The following CATSPERE variants were observed in gnomAD, a reference collection of about 807,000 sequenced individuals.
CATSPERE encodes the protein catsper channel auxiliary subunit epsilon.
CATSPERE carries 93 observed loss-of-function variants against 114.1 expected under a neutral mutation model. That is an observed-to-expected ratio of 0.81 (90% CI 0.69 to 0.97). The LOEUF (loss-of-function observed/expected upper bound fraction) is 0.97. Among genes scored for constraint, CATSPERE ranks in the 50% least tolerant of loss-of-function variants. The pLI is 0.00. For missense variants in CATSPERE, 1,058 were observed against 1,131.6 expected (o/e 0.93, Z 0.93); for synonymous variants, 341 against 384.1 (o/e 0.89, Z 1.31).
chr1:244,578,823 C>CATATATATATATATATATAT (rs10695652), intron 11 of CATSPERE, among the ~76,000 whole-genome samples: 52 of 132,994 alleles, frequency 3.9e-4, no homozygotes, highest in African/African-American at 1.1e-3. Context: ...GGTGCATATA[C>CATATATATATATATATATAT]ATATATATAT....
intron 20 of CATSPERE, 53 bp downstream of exon 20, chr1:244,617,739 A>G (rs375050211): frequency 1.4e-6 from 2 of 1,414,848 alleles, no homozygotes; most frequent in Non-Finnish European, 1.9e-6. Context: ...CAAAATCTTT[A>G]TTTTTTTAAT....
chr1:244,634,550 T>G (rs1259860242), intron 20 of CATSPERE, among the ~76,000 whole-genome samples: 1 of 152,226 alleles, frequency 6.6e-6, no homozygotes, highest in Non-Finnish European at 1.5e-5. Flanking sequence ...ATGAGAGACA[T>G]TCTGTAATAT....
intron 8 of CATSPERE, among the ~76,000 whole-genome samples, chr1:244,538,362 A>C (rs1680688235): frequency 6.6e-6 from 1 of 152,210 alleles, no homozygotes; most frequent in Non-Finnish European, 1.5e-5. Context: ...AGGCAAGAAC[A>C]AAAGACAGAA....
At chr1:244,491,737 T>A (rs891195995) in intron 6 of CATSPERE, among the ~76,000 whole-genome samples, 1 of 151,496 alleles carries the variant, frequency 6.6e-6, no homozygotes, top group Non-Finnish European at 1.5e-5. Context: ...ATCAAATAGA[T>A]GCAATAAAAA....
At chr1:244,543,246 T>C (rs1027396337) in intron 8 of CATSPERE, among the ~76,000 whole-genome samples, 16 of 152,096 alleles carry the variant, frequency 1.1e-4, no homozygotes, top group African/African-American at 3.1e-4. Flanking sequence ...CATCAGAAGA[T>C]GCATGGATAA....
At position 244,593,526 on chromosome 1, in the gene CATSPERE, G is replaced by C; in HGVS notation, c.2251G>C (p.Gly751Arg). The change falls in exon 17 of 22, where the codon GGC (glycine) becomes CGC (arginine). Residue 751 changes from glycine (G) to arginine (R), a missense_variant. Transcript: ENST00000366534. Reference sequence around the variant, plus strand: ...AGTAAGGTATATTTGGGGAGAATATGGCTGCCCTCTGAGGCTTGACTTCAC... The same window carrying C: ...AGTAAGGTATATTTGGGGAGAATATCGCTGCCCTCTGAGGCTTGACTTCAC... ...LRVRYIWGEYGCPLRLDFTEK... is the reference protein window; with the variant it reads ...LRVRYIWGEYRCPLRLDFTEK... 6.2e-7 allele frequency: 1 copy of C among 1,614,042 alleles called. No individual in the cohort carries two copies. The highest frequency in any genetic ancestry group is 8.5e-7 in the Non-Finnish European group (1 of 1,179,954).
intron 14 of CATSPERE, among the ~76,000 whole-genome samples, chr1:244,588,742 T>C (rs1174113278): frequency 2.0e-5 from 3 of 152,216 alleles, no homozygotes; most frequent in African/African-American, 7.2e-5. Flanking sequence ...ATAAAAAGAA[T>C]TAGCCTCTTT....
chr1:244,583,770 C>T (rs754354056), intron 12 of CATSPERE, 94 bp from the exon 13 acceptor site: 15 of 1,111,014 alleles, frequency 1.4e-5, no homozygotes, highest in East Asian at 5.0e-5. Flanking sequence ...TCAATCACAC[C>T]GTGCACATGG....
chr1:244,529,830 T>C (rs1679306127), intron 8 of CATSPERE, among the ~76,000 whole-genome samples: 1 of 152,182 alleles, frequency 6.6e-6, no homozygotes, highest in South Asian at 2.1e-4. Context: ...TGTTTTCTTT[T>C]AGTAGTTTTA....
intron 20 of CATSPERE, among the ~76,000 whole-genome samples, chr1:244,625,585 T>C (rs985179104): frequency 4.0e-5 from 6 of 149,754 alleles, no homozygotes; most frequent in Non-Finnish European, 5.9e-5. Flanking sequence ...TGTGCCACCA[T>C]GCCCGGCTAA....
At chr1:244,551,919 C>T (rs1660696998) in intron 8 of CATSPERE, among the ~76,000 whole-genome samples, 2 of 151,736 alleles carry the variant, frequency 1.3e-5, no homozygotes, top group Non-Finnish European at 2.9e-5. Flanking sequence ...AAAGAATTAG[C>T]CAGGCGTGGT....
At chr1:244,630,455 A>G (rs1173959275) in intron 20 of CATSPERE, among the ~76,000 whole-genome samples, 1 of 152,204 alleles carries the variant, frequency 6.6e-6, no homozygotes, top group East Asian at 1.9e-4. Context: ...ATGGCTGCTT[A>G]TCAGATGCTG....
upstream of CATSPERE, among the ~76,000 whole-genome samples, chr1:244,456,289 G>T (rs1391614723): frequency 6.6e-6 from 1 of 151,934 alleles, no homozygotes; most frequent in Admixed American, 6.6e-5. Flanking sequence ...GCCTTCAGCT[G>T]CTTGTTTGGC....
chr1:244,594,548 A>G (rs1441764250), intron 17 of CATSPERE, among the ~76,000 whole-genome samples: 2 of 152,240 alleles, frequency 1.3e-5, no homozygotes, highest in East Asian at 3.8e-4. Context: ...AATAAATAAT[A>G]GTGAATATCC....
At chr1:244,608,861 T>A (rs918110640) in intron 18 of CATSPERE, among the ~76,000 whole-genome samples, 1 of 152,124 alleles carries the variant, frequency 6.6e-6, no homozygotes, top group African/African-American at 2.4e-5. Context: ...TAAACACTCA[T>A]CTTTCTGCTT....
chr1:244,597,882 C>T (rs1309321505), intron 17 of CATSPERE, among the ~76,000 whole-genome samples: 1 of 152,124 alleles, frequency 6.6e-6, no homozygotes, highest in African/African-American at 2.4e-5. Context: ...CATTAAAATG[C>T]CCTTCAATAA....
At chr1:244,628,419 G>A (rs1346184802) in intron 20 of CATSPERE, among the ~76,000 whole-genome samples, 2 of 152,186 alleles carry the variant, frequency 1.3e-5, no homozygotes, top group Non-Finnish European at 2.9e-5. Flanking sequence ...AAGCATTCGA[G>A]TAGCTGGGGA....
chr1:244,553,984 T>C (rs1215498745), intron 9 of CATSPERE, among the ~76,000 whole-genome samples: 1 of 152,210 alleles, frequency 6.6e-6, no homozygotes, highest in African/African-American at 2.4e-5. Context: ...GTTCCATCCA[T>C]ATTGCTGCAA....
At chr1:244,490,816 T>G (rs1260138805) in intron 6 of CATSPERE, among the ~76,000 whole-genome samples, 1 of 152,164 alleles carries the variant, frequency 6.6e-6, no homozygotes, top group Non-Finnish European at 1.5e-5. Context: ...ACTGATATTT[T>G]TCTTTTGAAA....
Sources: gnomAD v4.1 joint callset for allele counts (sites outside exome capture counted in the v4.1 genomes callset) on GRCh38, gnomAD v4.1.1 for gene constraint, MANE v1.5 for transcripts, NCBI Gene and HGNC (gene_info 2026-07-23, HGNC 2026-07-21) for gene names.